Variants in CMC2 observed in about 807,000 individuals in gnomAD.
CMC2 encodes COX assembly mitochondrial protein 2 homolog.
Under a neutral mutation model 7.5 loss-of-function variants are expected in CMC2, and 5 were observed. The observed-to-expected ratio is 0.66, with a 90% confidence interval of 0.35 to 1.40. The LOEUF is 1.40. Among genes scored for constraint, CMC2 ranks in the 40% most tolerant of loss-of-function variants. The probability of loss-of-function intolerance (pLI) is 0.04; values close to 1 mark genes in which losing one functional copy is unlikely to be tolerated. For missense variants in CMC2, 115 were observed against 92.3 expected, an observed-to-expected ratio of 1.25 and a Z score of -1.01; for synonymous variants, 37 against 31.4, an observed-to-expected ratio of 1.18 and a Z score of -0.60.
chr16:80,970,294 G>A lies in CMC2; in HGVS notation c.*5799C>T, dbSNP rs1006067095. On this transcript the variant is annotated 3_prime_UTR_variant, in exon 4 of 4. Coordinates refer to ENST00000219400, the MANE Select transcript of CMC2 (RefSeq NM_020188.5). ...GTCAATTCCAAATCCAAATCTCACC[G>A]ATTAATGGACATTAATTCCTATCTG... The A allele has an allele frequency of 6.6e-6, 1 of 152,082 alleles. No individual in the cohort carries two copies. Among genetic ancestry groups the A allele is most frequent in the African/African-American group, 2.4e-5 (1 of 41,404 alleles). 9.4% of individuals were successfully genotyped at this position (152,082 alleles called of 1,614,324 possible).
rs1912071350 is a variant in CMC2, at chr16:80,973,441, A to C, written c.*2652T>G. 6.6e-6 allele frequency: 1 copy of C among 152,210 alleles called. No homozygotes were observed. The highest frequency in any genetic ancestry group is 2.4e-5 in the African/African-American group (1 of 41,446). 9.4% of individuals were successfully genotyped at this position (152,210 alleles called of 1,614,324 possible). A position where few individuals can be genotyped will look rare whatever the true frequency, so the allele number is the denominator to read the frequency against. On this transcript the variant is annotated 3_prime_UTR_variant, in exon 4 of 4. Transcript: ENST00000219400. ...CTTTGTGCCAGATAATCTATCACAT[A>C]CATCTCAACCAATCCTCACAATAAC...
Position 80,971,762 on chromosome 16 carries a change from A to T in CMC2, c.*4331T>A, listed in dbSNP as rs1261693591. The stretch of plus-strand genomic sequence containing the variant: ...TTTTTTTAAACCTGTATTTTTTAAA[A>T]GTATGACTTAGATAGCAGCTATGTG... On this transcript the variant is annotated 3_prime_UTR_variant, in exon 4 of 4. Transcript: ENST00000219400. 6.6e-6 allele frequency: 1 copy of T among 152,010 alleles called. No homozygotes were observed. The highest frequency in any genetic ancestry group is 1.5e-5 in the Non-Finnish European group (1 of 68,014). 9.4% of individuals were successfully genotyped at this position (152,010 alleles called of 1,614,324 possible). A position where few individuals can be genotyped will look rare whatever the true frequency, so the allele number is the denominator to read the frequency against.
intron 1 of CMC2, among the ~76,000 whole-genome samples, chr16:80,999,594 G>T (rs540305957): frequency 3.3e-5 from 5 of 152,218 alleles, no homozygotes; most frequent in African/African-American, 9.6e-5. Context: ...CCAAAAAGGG[G>T]CTCAAATAGC....
At position 80,968,132 on chromosome 16, in the gene CMC2, C is replaced by T. The variant is rs986303210; in HGVS notation, c.*7961G>A. 6.6e-6 allele frequency: 1 copy of T among 152,186 alleles called. No homozygotes were observed. The highest frequency in any genetic ancestry group is 6.5e-5 in the Admixed American group (1 of 15,280). The allele number at this position is 152,186 out of a possible 1,614,324, so 9.4% of individuals were successfully genotyped here. A position where few individuals can be genotyped will look rare whatever the true frequency, so the allele number is the denominator to read the frequency against. On this transcript the variant is annotated 3_prime_UTR_variant, in exon 4 of 4. Transcript: ENST00000219400. ...ACATCAGAAAGAGTCTAAGTCAATGCTTCTCCAATTTTTATATGCATGCAA... is the reference window on the plus strand; with the variant it reads ...ACATCAGAAAGAGTCTAAGTCAATGTTTCTCCAATTTTTATATGCATGCAA...
intron 2 of CMC2, among the ~76,000 whole-genome samples, chr16:80,985,674 C>A (rs943763994): frequency 2.6e-5 from 4 of 151,692 alleles, no homozygotes; most frequent in Admixed American, 2.6e-4. Context: ...AGAACTGCCA[C>A]GAAGGAGAAA....
intron 3 of CMC2, chr16:80,978,408 G>C (rs758865403): frequency 8.9e-5 from 112 of 1,254,160 alleles, no homozygotes; most frequent in Non-Finnish European, 1.1e-4. Context: ...AGGAAGTCCA[G>C]ATGGTCCCTG....
intron 2 of CMC2, among the ~76,000 whole-genome samples, chr16:80,986,954 G>A (rs1967590238): frequency 6.6e-6 from 1 of 152,170 alleles, no homozygotes; most frequent in Non-Finnish European, 1.5e-5. Flanking sequence ...GTATCCTGAA[G>A]AGTGGCCAAA....
intron 2 of CMC2, among the ~76,000 whole-genome samples, chr16:80,985,043 T>C (rs1444115988): frequency 6.6e-6 from 1 of 152,114 alleles, no homozygotes; most frequent in African/African-American, 2.4e-5. Flanking sequence ...TGCGAACCTT[T>C]TACATAAAGA....
At chr16:80,978,472 C>T (rs1306713632) in intron 3 of CMC2, 1 of 919,116 alleles carries the variant, frequency 1.1e-6, no homozygotes, top group Non-Finnish European at 1.5e-6. Context: ...CTCAATCAAA[C>T]AATACAGACA....
chr16:80,997,686 C>G (rs1012496473), intron 1 of CMC2: 9 of 234,882 alleles, frequency 3.8e-5, no homozygotes, highest in Non-Finnish European at 7.4e-5. Context: ...GACCCAATCC[C>G]GGAAATAAGC....
chr16:80,997,027 T>C (rs1259746938), intron 2 of CMC2: 1 of 495,474 alleles, frequency 2.0e-6, no homozygotes, highest in South Asian at 1.7e-5. Context: ...TGCCCTATAA[T>C]TAGGAAAGAG....
At chr16:81,004,977 T>C (rs2151659441) in intron 1 of CMC2, among the ~76,000 whole-genome samples, 1 of 152,374 alleles carries the variant, frequency 6.6e-6, no homozygotes. Flanking sequence ...TTAGAAAGAT[T>C]TTCCTATTGT....
intron 1 of CMC2, among the ~76,000 whole-genome samples, chr16:81,004,980 C>G (rs548992722): frequency 6.6e-6 from 1 of 152,314 alleles, no homozygotes; most frequent in Admixed American, 6.5e-5. Context: ...GAAAGATTTT[C>G]CTATTGTGCG....
chr16:80,980,132 T>C (rs899896708), intron 3 of CMC2, among the ~76,000 whole-genome samples: 1 of 151,610 alleles, frequency 6.6e-6, no homozygotes, highest in Non-Finnish European at 1.5e-5. Context: ...GTTGCCCAAG[T>C]TGGCCTCAAA....
intron 1 of CMC2, among the ~76,000 whole-genome samples, chr16:81,003,297 T>C (rs1697766611): frequency 6.6e-6 from 1 of 152,234 alleles, no homozygotes; most frequent in African/African-American, 2.4e-5. Flanking sequence ...GCTAAATACG[T>C]ATTCCATATT....
intron 1 of CMC2, 22 bp downstream of exon 1, chr16:81,006,712 G>C (rs1402970091): frequency 1.0e-6 from 1 of 985,520 alleles, no homozygotes; most frequent in Non-Finnish European, 1.2e-6. Flanking sequence ...CGTTCGGAAC[G>C]GCCTGGACTC....
rs944385724 is a variant in CMC2 at position 80,973,611 on chromosome 16, A to G, written c.*2482T>C. On this transcript the variant is annotated 3_prime_UTR_variant, in exon 4 of 4. Coordinates refer to ENST00000219400, the MANE Select transcript of CMC2 (RefSeq NM_020188.5). ...CTAATGGTTTTCCATTATGCTCCAA[A>G]TAACATGCAAGTTCCCTGAGGTGAT... 2.6e-5 allele frequency: 4 copies of G among 152,288 alleles called. No homozygotes were observed. Among genetic ancestry groups the G allele is most frequent in the Admixed American group, 2.0e-4 (3 of 15,306 alleles). 9.4% of individuals were successfully genotyped at this position (152,288 alleles called of 1,614,324 possible).
intron 2 of CMC2, chr16:80,984,092 A>G (rs963334928): frequency 6.6e-6 from 1 of 152,242 alleles, no homozygotes; most frequent in Non-Finnish European, 1.5e-5. Flanking sequence ...AGTCTGATTT[A>G]AAAAATAAAA....
intron 1 of CMC2, among the ~76,000 whole-genome samples, chr16:80,999,123 C>T (rs1260050687): frequency 2.0e-5 from 3 of 152,124 alleles, no homozygotes; most frequent in Non-Finnish European, 4.4e-5. Context: ...TAAAAGGCAT[C>T]CGAATAAGAA....
Sources: allele counts gnomAD v4.1 joint callset (sites outside exome capture counted in the v4.1 genomes callset), GRCh38; gene constraint gnomAD v4.1.1; transcripts MANE v1.5; gene names NCBI Gene and HGNC (gene_info 2026-07-23, HGNC 2026-07-21).